Variants in TOX2 observed in about 807,000 individuals in gnomAD.
The protein encoded by TOX2 is TOX high mobility group box family member 2, also known as granulosa cell HMG box 1.
Under a neutral mutation model 47.4 loss-of-function variants are expected in TOX2, and 15 were observed. The ratio of observed to expected loss-of-function variants is 0.32; its 90% confidence interval spans 0.21 to 0.49. The LOEUF (loss-of-function observed/expected upper bound fraction) is 0.49. Among genes scored for constraint, TOX2 ranks in the 20% least tolerant of loss-of-function variants. The probability of loss-of-function intolerance (pLI) is 0.99; values close to 1 mark genes in which losing one functional copy is unlikely to be tolerated. For missense variants in TOX2, 622 were observed against 673.1 expected, an observed-to-expected ratio of 0.92 and a Z score of 0.84; for synonymous variants, 290 against 296.6, an observed-to-expected ratio of 0.98 and a Z score of 0.23.
chr20:44,003,997 A>G (rs1243755612), intron 2 of TOX2, among the ~76,000 whole-genome samples: 2 of 152,248 alleles, frequency 1.3e-5, no homozygotes, highest in African/African-American at 2.4e-5. Flanking sequence ...CGAGTGGCCA[A>G]TGAAAACGGC....
intron 1 of TOX2, among the ~76,000 whole-genome samples, chr20:43,920,509 C>T (rs1012660853): frequency 9.2e-5 from 14 of 152,090 alleles, no homozygotes; most frequent in Admixed American, 7.2e-4. Flanking sequence ...TCCCAGGGAA[C>T]GCTAGATGGA....
intron 1 of TOX2, among the ~76,000 whole-genome samples, chr20:43,942,373 G>A (rs1350783271): frequency 6.6e-6 from 1 of 152,178 alleles, no homozygotes; most frequent in African/African-American, 2.4e-5. Flanking sequence ...CCTCACCCTG[G>A]GAACAGCTGA....
intron 3 of TOX2, among the ~76,000 whole-genome samples, chr20:44,008,825 G>A (rs763315362): frequency 6.6e-6 from 1 of 152,190 alleles, no homozygotes; most frequent in East Asian, 1.9e-4. Flanking sequence ...TCCAGGGGGT[G>A]GATACAGGGT....
chr20:43,982,864 C>T (rs2070192484), intron 2 of TOX2, among the ~76,000 whole-genome samples: 1 of 151,230 alleles, frequency 6.6e-6, no homozygotes, highest in South Asian at 2.1e-4. Flanking sequence ...TCTGAAATTC[C>T]TGTTGAGGCA....
At chr20:43,921,768 T>C (rs1367328079) in intron 1 of TOX2, among the ~76,000 whole-genome samples, 1 of 152,174 alleles carries the variant, frequency 6.6e-6, no homozygotes, top group Non-Finnish European at 1.5e-5. Context: ...AAATGATCCT[T>C]CTGCTTTGGC....
intron 3 of TOX2, among the ~76,000 whole-genome samples, chr20:44,015,273 A>G (rs1466856775): frequency 6.6e-6 from 1 of 152,156 alleles, no homozygotes; most frequent in Non-Finnish European, 1.5e-5. Context: ...GTCTTTTTAC[A>G]TTTTATAAAA....
At chr20:44,047,119 GC>G in intron 3 of TOX2, among the ~76,000 whole-genome samples, 1 of 152,268 alleles carries the variant, frequency 6.6e-6, no homozygotes, top group Non-Finnish European at 1.5e-5. Context: ...ATATGATGTA[GC>G]TAAAATTCTC....
intron 3 of TOX2, among the ~76,000 whole-genome samples, chr20:44,047,852 T>TAAAAAAA (rs1198225728): frequency 4.9e-5 from 7 of 141,992 alleles, no homozygotes; most frequent in Non-Finnish European, 9.4e-5. Flanking sequence ...AAAAAAAAAT[T>TAAAAAAA]AAAAAAAAAA....
rs746743206 is a variant in TOX2, at chr20:44,066,899, G to A, written c.1484+42G>A. 4.9e-5 allele frequency: 77 copies of A among 1,587,296 alleles called. No homozygotes were observed. The Middle Eastern group carries it at 1.5e-3, about 31-fold the overall frequency. On this transcript the variant is annotated intron_variant, in intron 8 of 8. Coordinates refer to ENST00000341197, the MANE Select transcript of TOX2 (RefSeq NM_001098797.2). ...CCCTGCCTTTGTCCTGCCAGCCAGGGAGAGTGGGAACAGGATGGCCAGGGA... is the reference window on the plus strand; with the variant it reads ...CCCTGCCTTTGTCCTGCCAGCCAGGAAGAGTGGGAACAGGATGGCCAGGGA...
intron 2 of TOX2, among the ~76,000 whole-genome samples, chr20:43,986,920 C>T (rs1186246201): frequency 6.6e-6 from 1 of 152,010 alleles, no homozygotes; most frequent in African/African-American, 2.4e-5. Context: ...AATAATTAGC[C>T]AGGTGTGCTG....
At chr20:44,055,322 G>A (rs2071597408) in intron 5 of TOX2, among the ~76,000 whole-genome samples, 1 of 152,224 alleles carries the variant, frequency 6.6e-6, no homozygotes. Flanking sequence ...AGGGTACATA[G>A]TTCATGAGAG....
chr20:44,066,147 T>C lies in TOX2; in HGVS notation c.1356+40T>C, dbSNP rs189210374. On this transcript the variant is annotated intron_variant, in intron 7 of 8. Coordinates refer to ENST00000341197, the MANE Select transcript of TOX2 (RefSeq NM_001098797.2). ...GCAGAACAGCCCTTCTGTGACCGTG[T>C]GGGGAGGGGAAGCGGCTTTGCCCTT... 14 of 1,489,242 alleles carry C rather than the reference T, an allele frequency of 9.4e-6. 1 individual carries two copies. The Admixed American group carries it at 2.9e-4, about 31-fold the overall frequency. The allele number at this position is 1,489,242 out of a possible 1,614,324, so 92.3% of individuals were successfully genotyped here.
rs145790690 is a variant in TOX2, at chr20:44,066,737, C to T, written c.1364C>T (p.Pro455Leu). Residue 455 changes from proline to leucine, a missense_variant, in exon 8 of 9, where the codon CCG becomes CTG. By Grantham distance (98) the Pro-to-Leu change is moderately conservative. Around this residue, in one of 3 missense-constraint regions of TOX2, gnomAD observed 294 missense variants for 300.0 expected, o/e 0.98. Coordinates refer to ENST00000341197, the MANE Select transcript of TOX2 (RefSeq NM_001098797.2). ...CTCCTTCCCACTCTGTAGGACTTCCCGCACATCTCTGAGTTCCCCAGCAGC... is the reference window on the plus strand; with the variant it reads ...CTCCTTCCCACTCTGTAGGACTTCCTGCACATCTCTGAGTTCCCCAGCAGC... ...SPSPPGPQDF[P>L]HISEFPSSSG... 7.6e-5 allele frequency: 122 copies of T among 1,614,034 alleles called. No individual in the cohort carries two copies. The highest frequency in any genetic ancestry group is 1.2e-4 in the Admixed American group (7 of 60,008).
chr20:44,024,717 T>C (rs1041974538), intron 3 of TOX2, among the ~76,000 whole-genome samples: 10 of 152,150 alleles, frequency 6.6e-5, no homozygotes. Context: ...CAAATAATCA[T>C]TATTAACCCA....
chr20:43,964,531 C>T (rs1198264041), intron 1 of TOX2, among the ~76,000 whole-genome samples: 1 of 152,178 alleles, frequency 6.6e-6, no homozygotes, highest in Non-Finnish European at 1.5e-5. Context: ...TGGTGAGGCT[C>T]AGCTCTCAGT....
At chr20:43,980,963 T>C (rs376433540) in intron 2 of TOX2, among the ~76,000 whole-genome samples, 113 of 152,210 alleles carry the variant, frequency 7.4e-4, no homozygotes, top group African/African-American at 2.6e-3. Flanking sequence ...GTTGAAGAAC[T>C]AATCACCCTT....
intron 2 of TOX2, among the ~76,000 whole-genome samples, chr20:43,987,820 C>T (rs900785675): frequency 1.3e-5 from 2 of 151,182 alleles, no homozygotes; most frequent in Non-Finnish European, 3.0e-5. Flanking sequence ...GTGGCACGGG[C>T]TTCCCCAGAT....
intron 3 of TOX2, among the ~76,000 whole-genome samples, chr20:44,029,068 C>G (rs1488811018): frequency 6.6e-6 from 1 of 152,180 alleles, no homozygotes; most frequent in African/African-American, 2.4e-5. Flanking sequence ...TCGTCCCTTC[C>G]TTGGCCACAG....
chr20:44,068,683 C>G lies in TOX2; in HGVS notation c.1518C>G (p.Thr506=), dbSNP rs1422774761. The part of the protein sequence containing the change: ...LLPRDKSLYL[T] ...CCAGGGACAAATCGCTCTACCTCACCTAATCCCGCCTCCCTACCATCCCTG... is the reference window on the plus strand; with the variant it reads ...CCAGGGACAAATCGCTCTACCTCACGTAATCCCGCCTCCCTACCATCCCTG... The change falls in exon 9 of 9, where the codon ACC becomes ACG. Residue 506 remains threonine, a synonymous_variant. Transcript: ENST00000341197. The G allele has an allele frequency of 6.2e-7, 1 of 1,614,002 alleles. No individual in the cohort carries two copies. Among genetic ancestry groups the G allele is most frequent in the Non-Finnish European group, 8.5e-7 (1 of 1,180,006 alleles).
Sources: gnomAD v4.1 joint callset for allele counts (sites outside exome capture counted in the v4.1 genomes callset) on GRCh38, gnomAD v4.1.1 for gene constraint, gnomAD v4.1.1 regional missense constraint, MANE v1.5 for transcripts, NCBI Gene and HGNC (gene_info 2026-07-23, HGNC 2026-07-21) for gene names.